Variants in RIT2 observed in about 807,000 individuals in gnomAD.
RIT2 encodes Ras like without CAAX 2.
In RIT2, 24 loss-of-function variants were observed where a neutral mutation model predicts 23.7. The observed-to-expected ratio is 1.01, with a 90% confidence interval of 0.73 to 1.43. The LOEUF is 1.43. Among genes scored for constraint, RIT2 ranks in the 40% most tolerant of loss-of-function variants. RIT2 has a pLI of 0.00. For synonymous variants in RIT2, 107 were observed against 91.1 expected, an observed-to-expected ratio of 1.17 and a Z score of -0.99; for missense variants, 236 against 266.9, an observed-to-expected ratio of 0.88 and a Z score of 0.81.
At chr18:42,966,825 C>CAT (rs146823614) in intron 3 of RIT2, among the ~76,000 whole-genome samples, 9,671 of 150,568 alleles carry the variant, frequency 0.064, 353 homozygotes, top group Non-Finnish European at 0.091. Context: ...CACATATAGA[C>CAT]ATATATATAT....
chr18:42,848,008 G>C (rs1248917043), intron 4 of RIT2, among the ~76,000 whole-genome samples: 1 of 151,040 alleles, frequency 6.6e-6, no homozygotes, highest in African/African-American at 2.4e-5. Flanking sequence ...CCTATAATGA[G>C]AGACATTACC....
intron 4 of RIT2, among the ~76,000 whole-genome samples, chr18:42,846,886 A>C (rs1207466626): frequency 6.6e-6 from 1 of 152,152 alleles, no homozygotes; most frequent in East Asian, 1.9e-4. Context: ...ATAGCCACTG[A>C]TAACACTATT....
intron 3 of RIT2, among the ~76,000 whole-genome samples, chr18:42,933,243 A>G (rs1450114139): frequency 2.0e-5 from 3 of 152,156 alleles, no homozygotes; most frequent in Non-Finnish European, 2.9e-5. Context: ...GTGAATACTA[A>G]TGAGGTACAT....
intron 1 of RIT2, among the ~76,000 whole-genome samples, chr18:43,102,096 G>A (rs1338076665): frequency 6.6e-6 from 1 of 152,186 alleles, no homozygotes; most frequent in Non-Finnish European, 1.5e-5. Flanking sequence ...TCAGGGAGAA[G>A]TGATGCTTTG....
At chr18:42,864,602 A>C (rs1907419154) in intron 4 of RIT2, among the ~76,000 whole-genome samples, 1 of 152,194 alleles carries the variant, frequency 6.6e-6, no homozygotes, top group Admixed American at 6.5e-5. Context: ...CTCATATTGA[A>C]ATTCTTGAGT....
At chr18:42,770,970 A>G (rs1598647183) in intron 4 of RIT2, among the ~76,000 whole-genome samples, 1 of 152,140 alleles carries the variant, frequency 6.6e-6, no homozygotes, top group East Asian at 1.9e-4. Flanking sequence ...TTTCTATTTT[A>G]TGGAAGAATT....
intron 4 of RIT2, among the ~76,000 whole-genome samples, chr18:42,841,110 AG>A (rs1369013702): frequency 6.6e-6 from 1 of 152,232 alleles, no homozygotes; most frequent in Non-Finnish European, 1.5e-5. Context: ...GATTAGGGAA[AG>A]AAAGAAAATG....
At chr18:42,881,567 G>A (rs1243330482) in intron 4 of RIT2, among the ~76,000 whole-genome samples, 1 of 152,136 alleles carries the variant, frequency 6.6e-6, no homozygotes, top group African/African-American at 2.4e-5. Flanking sequence ...CTGTATGCAT[G>A]AGGTGTTGTA....
At chr18:43,082,238 T>G (rs1913174327) in intron 1 of RIT2, among the ~76,000 whole-genome samples, 1 of 152,186 alleles carries the variant, frequency 6.6e-6, no homozygotes, top group Non-Finnish European at 1.5e-5. Flanking sequence ...TCAGTGGTGA[T>G]ATCCCATTTA....
At chr18:43,057,798 C>CTTTTTTGTTTTTTTTTTTTTT (rs1912542244) in intron 1 of RIT2, among the ~76,000 whole-genome samples, 1 of 122,674 alleles carries the variant, frequency 8.2e-6, no homozygotes, top group Non-Finnish European at 1.7e-5. Flanking sequence ...GTGATGGACA[C>CTTTTTTGTTTTTTTTTTTTTT]TTTTTTTTTT....
chr18:42,746,929 A>G (rs574837856), intron 4 of RIT2, among the ~76,000 whole-genome samples: 5 of 152,242 alleles, frequency 3.3e-5, no homozygotes, highest in East Asian at 1.9e-4. Context: ...ATCTATTACA[A>G]ACTCACAGCC....
chr18:42,888,519 G>GT lies in RIT2; in HGVS notation c.426+35052dup, dbSNP rs139162530. On this transcript the variant is annotated intron_variant, in intron 4 of 4. Transcript: ENST00000326695. The stretch of plus-strand genomic sequence containing the variant: ...TTTCGCCGCAGCCTCTCCAGCATCT[G>GT]TTTTTTTTTTATTTTTTTTCTTTTT... 3.5e-3 allele frequency among the ~76,000 whole-genome samples: 525 copies of GT among 148,498 alleles called. 1 individual carries two copies. The highest frequency in any genetic ancestry group is 5.7e-3 in the African/African-American group (233 of 40,540).
At chr18:42,856,169 T>C (rs1221796733) in intron 4 of RIT2, among the ~76,000 whole-genome samples, 1 of 152,210 alleles carries the variant, frequency 6.6e-6, no homozygotes, top group African/African-American at 2.4e-5. Flanking sequence ...CTTCTAACTT[T>C]CCCTCACCTT....
rs183755532 is a variant in RIT2, at chr18:42,743,308, C to G, written c.*185G>C. On this transcript the variant is annotated 3_prime_UTR_variant, in exon 5 of 5. Transcript: ENST00000326695. The stretch of plus-strand genomic sequence containing the variant: ...TATCCAGCTGATTGACAAAATCCAT[C>G]CAACTGTTAAAGGCAAAACAAAACT... 54 of 594,508 alleles carry G rather than the reference C, an allele frequency of 9.1e-5. No individual in the cohort carries two copies. The highest frequency in any genetic ancestry group is 6.4e-4 in the East Asian group (23 of 35,700). 36.8% of individuals were successfully genotyped at this position (594,508 alleles called of 1,614,324 possible).
chr18:43,110,250 T>C lies in RIT2; in HGVS notation c.103+5167A>G, dbSNP rs1913922323. 2.6e-5 allele frequency among the ~76,000 whole-genome samples: 4 copies of C among 152,046 alleles called. No homozygotes were observed. The South Asian group carries it at 8.3e-4, about 32-fold the overall frequency. ...ATATTTCCTTAACTCCATATATATA[T>C]ATACCCACTATGTACCCATAAAAAT... On this transcript the variant is annotated intron_variant, in intron 1 of 4. Coordinates refer to ENST00000326695, the MANE Select transcript of RIT2 (RefSeq NM_002930.4).
At chr18:42,759,896 G>A (rs548143962) in intron 4 of RIT2, among the ~76,000 whole-genome samples, 4 of 151,950 alleles carry the variant, frequency 2.6e-5, no homozygotes, top group Middle Eastern at 3.4e-3. Context: ...TCCCGCCTCA[G>A]CTTCCTGAGT....
At chr18:42,996,787 T>G (rs1444076832) in intron 2 of RIT2, among the ~76,000 whole-genome samples, 1 of 152,098 alleles carries the variant, frequency 6.6e-6, no homozygotes. Flanking sequence ...TGTTTGGTGG[T>G]CTCTTCACAT....
At chr18:42,872,788 A>G (rs1403162120) in intron 4 of RIT2, among the ~76,000 whole-genome samples, 2 of 152,208 alleles carry the variant, frequency 1.3e-5, no homozygotes, top group Non-Finnish European at 2.9e-5. Flanking sequence ...GAATCAGATT[A>G]GACACTTCCA....
chr18:42,902,261 C>T (rs187111713), intron 4 of RIT2, among the ~76,000 whole-genome samples: 57 of 151,694 alleles, frequency 3.8e-4, no homozygotes, highest in Admixed American at 7.2e-4. Context: ...GTAAAGGAGA[C>T]GTTCAGAACT....
Sources: allele counts gnomAD v4.1 joint callset (sites outside exome capture counted in the v4.1 genomes callset), GRCh38; gene constraint gnomAD v4.1.1; transcripts MANE v1.5; gene names NCBI Gene and HGNC (gene_info 2026-07-23, HGNC 2026-07-21).